Variants in PPP1R12B observed in about 807,000 individuals in gnomAD.
PPP1R12B encodes the protein protein phosphatase 1 regulatory subunit 12B.
PPP1R12B carries 76 observed loss-of-function variants against 126.1 expected under a neutral mutation model. The observed-to-expected ratio is 0.60, with a 90% CI of 0.50 to 0.73. The LOEUF (loss-of-function observed/expected upper bound fraction) is 0.73, where lower values mean the gene tolerates loss of function less well. PPP1R12B is among the 30% of genes least tolerant of loss of function. The pLI is 0.00. For synonymous variants in PPP1R12B, 356 were observed against 434.7 expected (o/e 0.82, Z 2.25); for missense variants, 1,052 against 1,205.1 (o/e 0.87, Z 1.88).
At chr1:202,448,904 T>C (rs1672589865) in intron 12 of PPP1R12B, 85 bp from the exon 13 acceptor site, 7 of 1,420,124 alleles carry the variant, frequency 4.9e-6, no homozygotes, top group Non-Finnish European at 6.8e-6. Flanking sequence ...TGAACCACTC[T>C]TTAATCCTTC....
chr1:202,524,972 G>A (rs1310519998), intron 18 of PPP1R12B, among the ~76,000 whole-genome samples: 2 of 152,108 alleles, frequency 1.3e-5, no homozygotes, highest in Non-Finnish European at 2.9e-5. Context: ...CTGCCTCCTG[G>A]GTTCAAAGTG....
At chr1:202,366,713 T>G (rs1204440629) in intron 1 of PPP1R12B, among the ~76,000 whole-genome samples, 1 of 152,172 alleles carries the variant, frequency 6.6e-6, no homozygotes, top group Non-Finnish European at 1.5e-5. Context: ...ATGATGTTGA[T>G]TATAATGCTT....
chr1:202,373,092 G>T (rs1447202589), intron 1 of PPP1R12B, among the ~76,000 whole-genome samples: 5 of 151,788 alleles, frequency 3.3e-5, no homozygotes, highest in African/African-American at 9.7e-5. Flanking sequence ...ACACCACCAC[G>T]CCTGGCTAAT....
rs1376039812 is a variant in PPP1R12B, at chr1:202,583,570, T to TA, written c.*3014dup. On this transcript the variant is annotated 3_prime_UTR_variant, in exon 24 of 24. Coordinates refer to ENST00000608999, the MANE Select transcript of PPP1R12B (RefSeq NM_002481.4). The stretch of plus-strand genomic sequence containing the variant: ...CTGATTTCTGGTCTATCTCCAGAGA[T>TA]AAAATACCATTCCTTCACAACTGTA... 2.0e-5 allele frequency: 3 copies of TA among 152,232 alleles called. No homozygotes were observed. The highest frequency in any genetic ancestry group is 4.4e-5 in the Non-Finnish European group (3 of 68,040). 9.4% of individuals were successfully genotyped at this position (152,232 alleles called of 1,614,324 possible). A position where few individuals can be genotyped will look rare whatever the true frequency, so the allele number is the denominator to read the frequency against.
chr1:202,352,840 A>G (rs1656271965), intron 1 of PPP1R12B, among the ~76,000 whole-genome samples: 1 of 152,020 alleles, frequency 6.6e-6, no homozygotes, highest in Non-Finnish European at 1.5e-5. Flanking sequence ...GTGAGCTGAG[A>G]TCACACCACT....
intron 12 of PPP1R12B, among the ~76,000 whole-genome samples, chr1:202,446,582 A>AATATTAT (rs1235933652): frequency 4.1e-5 from 6 of 148,118 alleles, no homozygotes; most frequent in African/African-American, 1.2e-4. Flanking sequence ...TTACATATAT[A>AATATTAT]ATATTATATA....
At chr1:202,354,890 ATC>A (rs1656781098) in intron 1 of PPP1R12B, among the ~76,000 whole-genome samples, 1 of 145,050 alleles carries the variant, frequency 6.9e-6, no homozygotes. Flanking sequence ...CAGTGGTGTG[ATC>A]TCAGCTCACT....
chr1:202,377,844 T>TTTTA (rs1261133046), intron 1 of PPP1R12B, among the ~76,000 whole-genome samples: 1 of 136,598 alleles, frequency 7.3e-6, no homozygotes, highest in African/African-American at 2.9e-5. Context: ...TTTTTTTTTT[T>TTTTA]TTTTTTTTTT....
chr1:202,482,130 C>G (rs527735691), intron 13 of PPP1R12B, among the ~76,000 whole-genome samples: 190 of 152,010 alleles, frequency 1.2e-3, no homozygotes, highest in African/African-American at 4.4e-3. Flanking sequence ...ATTTTCTTTA[C>G]CCATTCTTCC....
chr1:202,567,488 A>C (rs967788411), intron 21 of PPP1R12B: 1 of 212,910 alleles, frequency 4.7e-6, no homozygotes, highest in Admixed American at 5.8e-5. Context: ...AGACCTGTGG[A>C]GAGAGAGAGA....
intron 18 of PPP1R12B, among the ~76,000 whole-genome samples, chr1:202,520,337 G>C (rs1360356885): frequency 6.6e-6 from 1 of 152,152 alleles, no homozygotes; most frequent in African/African-American, 2.4e-5. Flanking sequence ...TAAGCTGATG[G>C]CTGTCTTCCA....
At chr1:202,504,666 A>G (rs1680620706) in intron 18 of PPP1R12B, among the ~76,000 whole-genome samples, 1 of 152,174 alleles carries the variant, frequency 6.6e-6, no homozygotes, top group Admixed American at 6.5e-5. Flanking sequence ...TTGTATCTTT[A>G]TATCTGTTAT....
intron 15 of PPP1R12B, 103 bp from the exon 16 acceptor site, chr1:202,495,190 C>T: frequency 1.0e-6 from 1 of 958,178 alleles, no homozygotes; most frequent in Non-Finnish European, 1.5e-6. Flanking sequence ...ATCATCTACT[C>T]ATAAGCCCCT....
chr1:202,575,324 C>T (rs1688998830), intron 23 of PPP1R12B: 1 of 840,148 alleles, frequency 1.2e-6, no homozygotes, highest in South Asian at 2.6e-5. Context: ...ACATACCAGC[C>T]TAGGTCAAGG....
intron 1 of PPP1R12B, among the ~76,000 whole-genome samples, chr1:202,381,361 A>G (rs1045903631): frequency 2.2e-5 from 3 of 138,152 alleles, no homozygotes; most frequent in African/African-American, 8.2e-5. Context: ...TTTCCTTTGT[A>G]TTGATGAGCG....
chr1:202,415,580 T>C (rs1182653907), intron 1 of PPP1R12B, among the ~76,000 whole-genome samples: 1 of 152,188 alleles, frequency 6.6e-6, no homozygotes, highest in Non-Finnish European at 1.5e-5. Context: ...ATGTGGGCCT[T>C]CTACCACATT....
chr1:202,584,067 C>T lies in PPP1R12B; in HGVS notation c.*3507C>T, dbSNP rs1479375597. 5 of 152,128 alleles carry T rather than the reference C, an allele frequency of 3.3e-5. No individual in the cohort carries two copies. The East Asian group carries it at 7.7e-4, about 23-fold the overall frequency. 9.4% of individuals were successfully genotyped at this position (152,128 alleles called of 1,614,324 possible). On this transcript the variant is annotated 3_prime_UTR_variant, in exon 24 of 24. Coordinates refer to ENST00000608999, the MANE Select transcript of PPP1R12B (RefSeq NM_002481.4). ...ACCCCAGCCCCATCCCAATCTCTAG[C>T]GAAAGGGTTATGCAAATCTCAGGGT...
chr1:202,508,298 T>C lies in PPP1R12B; in HGVS notation c.2490+11476T>C, dbSNP rs1336173210. On this transcript the variant is annotated intron_variant, in intron 18 of 23. Transcript: ENST00000608999. The surrounding 1 kb of genome is among the most constrained non-coding windows in gnomAD (Gnocchi z 4.5). ...AAATGTTCACACAGATGTGCCTTCA[T>C]AGAATATGTACTTTTAAGAAACTCT... Among the ~76,000 whole-genome samples the C allele has an allele frequency of 6.6e-6, 1 of 152,340 alleles. No homozygotes were observed. Among genetic ancestry groups the C allele is most frequent in the East Asian group, 1.9e-4 (1 of 5,184 alleles).
At chr1:202,502,294 C>G (rs1300434119) in intron 18 of PPP1R12B, 1 of 984,764 alleles carries the variant, frequency 1.0e-6, no homozygotes, top group Non-Finnish European at 1.2e-6. Flanking sequence ...GTGGAGAGAT[C>G]TGTTGGTAAA....
Sources: gnomAD v4.1 joint callset for allele counts (sites outside exome capture counted in the v4.1 genomes callset) on GRCh38, gnomAD v4.1.1 for gene constraint, Gnocchi (gnomAD v3.1) non-coding constraint, MANE v1.5 for transcripts, NCBI Gene and HGNC (gene_info 2026-07-23, HGNC 2026-07-21) for gene names.